The following KCNQ3 variants were observed in gnomAD, a reference collection of about 807,000 sequenced individuals.
KCNQ3 encodes potassium voltage-gated channel subfamily KQT member 3.
A neutral mutation model predicts 92.5 loss-of-function variants in KCNQ3; 30 were observed. The ratio of observed to expected loss-of-function variants is 0.32; its 90% CI spans 0.24 to 0.44. The LOEUF is 0.44. KCNQ3 is among the 20% of genes least tolerant of loss of function. The pLI is 1.00. For missense variants in KCNQ3, 913 were observed against 1,140.3 expected, an observed-to-expected ratio of 0.80 and a Z score of 2.87; for synonymous variants, 450 against 468.8, an observed-to-expected ratio of 0.96 and a Z score of 0.52.
chr8:132,289,373 C>T (rs181041887), intron 1 of KCNQ3, among the ~76,000 whole-genome samples: 21 of 152,278 alleles, frequency 1.4e-4, no homozygotes, highest in African/African-American at 4.6e-4. Context: ...AATCAGTATC[C>T]TTGTGCTGAA....
chr8:132,358,226 A>G (rs941678527), intron 1 of KCNQ3, among the ~76,000 whole-genome samples: 12 of 152,248 alleles, frequency 7.9e-5, no homozygotes, highest in Admixed American at 7.8e-4. Flanking sequence ...CTTCCACTTT[A>G]GAATGAAGAA....
rs141714839 is a variant in KCNQ3, at chr8:132,322,857, G to A, written c.387-136676C>T. Among the ~76,000 whole-genome samples the A allele has an allele frequency of 3.6e-3, 542 of 152,314 alleles. 3 individuals carry two copies. Among genetic ancestry groups the A allele is most frequent in the African/African-American group, 0.012 (504 of 41,562 alleles). On this transcript the variant is annotated intron_variant, in intron 1 of 14. Transcript: ENST00000388996. ...AAGGCCTTTGAACACAGTTGGTGAT[G>A]ACCCATCTGAGAATAGAGAGCTCCA...
chr8:132,365,510 C>T (rs980317176), intron 1 of KCNQ3, among the ~76,000 whole-genome samples: 6 of 152,158 alleles, frequency 3.9e-5, no homozygotes, highest in Admixed American at 1.3e-4. Flanking sequence ...GATGTGAACT[C>T]CCAGGGTTTT....
chr8:132,292,299 G>A (rs1340370111), intron 1 of KCNQ3, among the ~76,000 whole-genome samples: 1 of 152,180 alleles, frequency 6.6e-6, no homozygotes, highest in African/African-American at 2.4e-5. Flanking sequence ...ATCAAGAAGT[G>A]TTCTTGAGAT....
At chr8:132,275,581 C>CTT (rs35090240) in intron 1 of KCNQ3, among the ~76,000 whole-genome samples, 2 of 141,466 alleles carry the variant, frequency 1.4e-5, no homozygotes, top group African/African-American at 2.6e-5. Flanking sequence ...CCAGTGAAAC[C>CTT]TTTTTTTTTT....
intron 1 of KCNQ3, among the ~76,000 whole-genome samples, chr8:132,468,446 G>T (rs563309817): frequency 1.3e-5 from 2 of 152,344 alleles, no homozygotes; most frequent in South Asian, 4.1e-4. Flanking sequence ...AGTTTACAAA[G>T]AACCTAAGGG....
At chr8:132,132,882 A>T (rs1824931924) in intron 13 of KCNQ3, among the ~76,000 whole-genome samples, 1 of 152,206 alleles carries the variant, frequency 6.6e-6, no homozygotes, top group Admixed American at 6.5e-5. Context: ...TGCAGATAGA[A>T]CTTTCAGGGA....
At chr8:132,242,316 T>C (rs903618333) in intron 1 of KCNQ3, among the ~76,000 whole-genome samples, 1 of 152,156 alleles carries the variant, frequency 6.6e-6, no homozygotes, top group Non-Finnish European at 1.5e-5. Context: ...AAGGCAACCC[T>C]GTGTAGGAAT....
chr8:132,436,476 A>G (rs1320109843), intron 1 of KCNQ3, among the ~76,000 whole-genome samples: 1 of 152,198 alleles, frequency 6.6e-6, no homozygotes, highest in Non-Finnish European at 1.5e-5. Flanking sequence ...ATGTTGTTCG[A>G]CTTTGTTTAA....
At chr8:132,294,357 G>A (rs374908725) in intron 1 of KCNQ3, among the ~76,000 whole-genome samples, 6 of 152,170 alleles carry the variant, frequency 3.9e-5, no homozygotes, top group East Asian at 3.9e-4. Context: ...GTGAATCAGA[G>A]GCAGGGGACT....
At chr8:132,451,304 A>T (rs372985610) in intron 1 of KCNQ3, among the ~76,000 whole-genome samples, 6 of 152,236 alleles carry the variant, frequency 3.9e-5, no homozygotes, top group African/African-American at 1.4e-4. Context: ...GAGTCCATTA[A>T]ACCTTTTTCC....
intron 1 of KCNQ3, among the ~76,000 whole-genome samples, chr8:132,191,317 A>G (rs971577260): frequency 1.3e-5 from 2 of 151,936 alleles, no homozygotes; most frequent in African/African-American, 4.8e-5. Context: ...GTGCACCACC[A>G]CTCATGGTTA....
chr8:132,349,729 C>G (rs1052312349), intron 1 of KCNQ3, among the ~76,000 whole-genome samples: 41 of 152,342 alleles, frequency 2.7e-4, no homozygotes, highest in African/African-American at 9.9e-4. Flanking sequence ...CCAAGCCCAG[C>G]CTTGTTTAAG....
chr8:132,403,675 C>A (rs1172994088), intron 1 of KCNQ3, among the ~76,000 whole-genome samples: 1 of 152,184 alleles, frequency 6.6e-6, no homozygotes, highest in Non-Finnish European at 1.5e-5. Context: ...ATCTATGAAT[C>A]CTTCAAATCT....
intron 1 of KCNQ3, among the ~76,000 whole-genome samples, chr8:132,296,394 TTTA>T (rs1041337521): frequency 2.6e-5 from 4 of 151,918 alleles, no homozygotes; most frequent in African/African-American, 9.7e-5. Flanking sequence ...TTTATTTTAT[TTTA>T]TTATTATTAT....
chr8:132,144,989 G>T (rs995409145), intron 9 of KCNQ3, among the ~76,000 whole-genome samples: 1 of 152,160 alleles, frequency 6.6e-6, no homozygotes, highest in Non-Finnish European at 1.5e-5. Flanking sequence ...CTCAACTAGG[G>T]GTGATTTTGA....
chr8:132,236,914 T>C (rs1354262433), intron 1 of KCNQ3, among the ~76,000 whole-genome samples: 3 of 152,226 alleles, frequency 2.0e-5, no homozygotes, highest in Non-Finnish European at 4.4e-5. Context: ...GAATGGCCCC[T>C]AGCTGACAGC....
chr8:132,202,164 G>C (rs1827484079), intron 1 of KCNQ3, among the ~76,000 whole-genome samples: 1 of 152,124 alleles, frequency 6.6e-6, no homozygotes, highest in African/African-American at 2.4e-5. Flanking sequence ...GCAGGGAATA[G>C]CAAATGCTGA....
chr8:132,430,641 A>T (rs1046390960), intron 1 of KCNQ3, among the ~76,000 whole-genome samples: 1 of 152,256 alleles, frequency 6.6e-6, no homozygotes, highest in Non-Finnish European at 1.5e-5. Context: ...GAACTTCTGC[A>T]GCAGTGAGGA....
Sources: gnomAD v4.1 joint callset for allele counts (sites outside exome capture counted in the v4.1 genomes callset) on GRCh38, gnomAD v4.1.1 for gene constraint, MANE v1.5 for transcripts, NCBI Gene and HGNC (gene_info 2026-07-23, HGNC 2026-07-21) for gene names.